Variants in PITPNC1 observed in about 807,000 individuals in gnomAD.
The protein encoded by PITPNC1 is cytoplasmic phosphatidylinositol transfer protein 1.
In PITPNC1, 18 loss-of-function variants were observed where a neutral mutation model predicts 44.7. The observed-to-expected ratio is 0.40, with a 90% CI of 0.28 to 0.60. The LOEUF (loss-of-function observed/expected upper bound fraction) is 0.60, where lower values mean the gene tolerates loss of function less well. Ranked by LOEUF, PITPNC1 falls within the 20% of genes least tolerant of loss-of-function variation. The probability of loss-of-function intolerance (pLI) is 0.39; values close to 1 mark genes in which losing one functional copy is unlikely to be tolerated. For missense variants in PITPNC1, 290 were observed against 418.4 expected (o/e 0.69, Z 2.68); for synonymous variants, 141 against 149.6 (o/e 0.94, Z 0.42).
At chr17:67,529,862 C>T (rs947380664) in intron 1 of PITPNC1, among the ~76,000 whole-genome samples, 1 of 152,162 alleles carries the variant, frequency 6.6e-6, no homozygotes, top group Non-Finnish European at 1.5e-5. Flanking sequence ...GCAGGAGAAT[C>T]ACTTGAGCCT....
At position 67,654,379 on chromosome 17, in the gene PITPNC1, T is replaced by G. The variant is rs115348495; in HGVS notation, c.463-15129T>G. Among the ~76,000 whole-genome samples, 604 of 152,336 alleles carry G rather than the reference T, an allele frequency of 4.0e-3. 3 individuals are homozygous for G. Among genetic ancestry groups the G allele is most frequent in the African/African-American group, 0.014 (576 of 41,566 alleles). On this transcript the variant is annotated intron_variant, in intron 6 of 8. Coordinates refer to ENST00000581322, the MANE Select transcript of PITPNC1 (RefSeq NM_012417.4). Reference sequence around the variant, plus strand: ...TTTTATTTGAGATGATCAGCATTTTTCTGTACATTTGACTACAGGATAACA... The same window carrying G: ...TTTTATTTGAGATGATCAGCATTTTGCTGTACATTTGACTACAGGATAACA...
At chr17:67,435,184 C>G (rs2038920915) in intron 1 of PITPNC1, among the ~76,000 whole-genome samples, 1 of 151,612 alleles carries the variant, frequency 6.6e-6, no homozygotes, top group Admixed American at 6.6e-5. Flanking sequence ...CTTGGCTCCT[C>G]TTGGGCAAAT....
At chr17:67,614,909 T>C (rs908480328) in intron 5 of PITPNC1, among the ~76,000 whole-genome samples, 2 of 151,892 alleles carry the variant, frequency 1.3e-5, no homozygotes, top group East Asian at 1.9e-4. Flanking sequence ...CGAGAGTATA[T>C]GTGAGAGCTG....
At chr17:67,548,163 A>T (rs760125654) in intron 2 of PITPNC1, among the ~76,000 whole-genome samples, 7 of 152,178 alleles carry the variant, frequency 4.6e-5, no homozygotes, top group Non-Finnish European at 8.8e-5. Flanking sequence ...CAACCATCCC[A>T]GTTTGCCTGG....
chr17:67,386,903 A>C (rs1287729569), intron 1 of PITPNC1, among the ~76,000 whole-genome samples: 1 of 152,160 alleles, frequency 6.6e-6, no homozygotes, highest in African/African-American at 2.4e-5. Flanking sequence ...GGGAGAGGAA[A>C]AGGAGAATTT....
intron 1 of PITPNC1, among the ~76,000 whole-genome samples, chr17:67,525,652 G>C (rs183584869): frequency 1.3e-5 from 2 of 152,222 alleles, no homozygotes; most frequent in South Asian, 4.1e-4. Flanking sequence ...AGAGTTCTGC[G>C]TCATTTATCC....
chr17:67,522,700 C>T (rs1158121085), intron 1 of PITPNC1, among the ~76,000 whole-genome samples: 7 of 120,808 alleles, frequency 5.8e-5, no homozygotes, highest in Non-Finnish European at 1.1e-4. Context: ...CTTGCTTGCC[C>T]AGGCTGGAGC....
intron 1 of PITPNC1, among the ~76,000 whole-genome samples, chr17:67,525,925 C>G (rs1435294240): frequency 6.6e-6 from 1 of 152,194 alleles, no homozygotes; most frequent in Non-Finnish European, 1.5e-5. Flanking sequence ...ATCAGAGGGA[C>G]AGGTGTTTCT....
intron 1 of PITPNC1, among the ~76,000 whole-genome samples, chr17:67,497,789 A>G (rs2039974767): frequency 6.6e-6 from 1 of 151,486 alleles, no homozygotes; most frequent in African/African-American, 2.4e-5. Flanking sequence ...CGGCCTCCCA[A>G]AGTGCTGGGA....
At chr17:67,447,587 A>T (rs1035353655) in intron 1 of PITPNC1, among the ~76,000 whole-genome samples, 1 of 151,446 alleles carries the variant, frequency 6.6e-6, no homozygotes, top group Non-Finnish European at 1.5e-5. Context: ...GGCTGTTCTC[A>T]AACTCCTGGG....
At chr17:67,523,104 T>TAC (rs1417448763) in intron 1 of PITPNC1, among the ~76,000 whole-genome samples, 1 of 152,164 alleles carries the variant, frequency 6.6e-6, no homozygotes, top group Admixed American at 6.5e-5. Context: ...AACACTCCAT[T>TAC]ACCCACTCTT....
chr17:67,615,131 C>T (rs535466017), intron 5 of PITPNC1, among the ~76,000 whole-genome samples: 3 of 152,108 alleles, frequency 2.0e-5, no homozygotes, highest in Non-Finnish European at 4.4e-5. Context: ...AGCAGGGGCC[C>T]GTGGAGCTCA....
intron 1 of PITPNC1, among the ~76,000 whole-genome samples, chr17:67,435,493 C>T (rs548710766): frequency 1.3e-5 from 2 of 152,338 alleles, no homozygotes; most frequent in South Asian, 4.1e-4. Context: ...AGACAAACTC[C>T]TGCCCCCATG....
chr17:67,396,043 G>C (rs755393403), intron 1 of PITPNC1, among the ~76,000 whole-genome samples: 2 of 152,212 alleles, frequency 1.3e-5, no homozygotes, highest in African/African-American at 4.8e-5. Context: ...ACAGCTGAGT[G>C]TAATTATGCT....
At chr17:67,612,636 A>G (rs1179967192) in intron 5 of PITPNC1, 1 of 151,928 alleles carries the variant, frequency 6.6e-6, no homozygotes, top group Admixed American at 6.6e-5. Flanking sequence ...TGGGAAGAAA[A>G]CTCATGGTTG....
intron 1 of PITPNC1, among the ~76,000 whole-genome samples, chr17:67,527,492 C>T (rs926752228): frequency 1.3e-5 from 2 of 151,082 alleles, no homozygotes; most frequent in African/African-American, 4.9e-5. Context: ...ATCATGAGGT[C>T]AGGAGTTCGA....
intron 5 of PITPNC1, among the ~76,000 whole-genome samples, chr17:67,606,089 A>G (rs906369152): frequency 1.3e-5 from 2 of 152,212 alleles, no homozygotes; most frequent in Admixed American, 6.5e-5. Flanking sequence ...CTCTGTAGGA[A>G]GCCTCAGAGA....
Position 67,694,407 on chromosome 17 carries a change from C to A in PITPNC1, c.*1519C>A, listed in dbSNP as rs1467182737. On this transcript the variant is annotated 3_prime_UTR_variant, in exon 9 of 9. Transcript: ENST00000581322. ...AGATCCCAAAGGAAACAAAATAGAC[C>A]AAGGAGCATAATCTGCTTCTCTCAC... 2 of 152,318 alleles carry A rather than the reference C, an allele frequency of 1.3e-5. No homozygotes were observed. Among genetic ancestry groups the A allele is most frequent in the Non-Finnish European group, 2.9e-5 (2 of 68,172 alleles). 9.4% of individuals were successfully genotyped at this position (152,318 alleles called of 1,614,324 possible).
intron 5 of PITPNC1, among the ~76,000 whole-genome samples, chr17:67,622,612 C>A (rs901484394): frequency 6.6e-6 from 1 of 150,782 alleles, no homozygotes; most frequent in Non-Finnish European, 1.5e-5. Context: ...CATGAACTGG[C>A]CAGGTGTGGT....
Sources: gnomAD v4.1 joint callset for allele counts (sites outside exome capture counted in the v4.1 genomes callset) on GRCh38, gnomAD v4.1.1 for gene constraint, MANE v1.5 for transcripts, NCBI Gene and HGNC (gene_info 2026-07-23, HGNC 2026-07-21) for gene names.